The following ITPR2 variants were observed in gnomAD, a reference collection of about 807,000 sequenced individuals.
ITPR2 encodes inositol 1,4,5-trisphosphate-gated calcium channel ITPR2.
Under a neutral mutation model 317.1 loss-of-function variants are expected in ITPR2, and 207 were observed. The observed-to-expected ratio is 0.65, with a 90% CI of 0.58 to 0.73. The LOEUF (loss-of-function observed/expected upper bound fraction) is 0.73. Among genes scored for constraint, ITPR2 ranks in the 30% least tolerant of loss-of-function variants. The pLI is 0.00. For synonymous variants in ITPR2, 1,156 were observed against 1,149.1 expected (o/e 1.01, Z -0.12); for missense variants, 2,613 against 3,284.0 (o/e 0.80, Z 4.99).
At chr12:26,659,410 A>G in intron 15 of ITPR2, 125 bp from the exon 16 acceptor site, 1 of 773,900 alleles carries the variant, frequency 1.3e-6, no homozygotes, top group Non-Finnish European at 2.0e-6. Context: ...TTCTCAAAAG[A>G]AAAGCAAGTA....
chr12:26,490,208 G>A (rs973790251), intron 39 of ITPR2, among the ~76,000 whole-genome samples: 3 of 152,140 alleles, frequency 2.0e-5, no homozygotes, highest in Admixed American at 1.3e-4. Flanking sequence ...GAGAGGCAGG[G>A]TATAATACAA....
Position 26,636,820 on chromosome 12 carries a change from G to A in ITPR2, c.2741-4761C>T, listed in dbSNP as rs116813750. ...ATTGGATCCTCACAGCACGGTGGGG[G>A]TTGGGAGACGAATTCCAGTTTACAT... is the stretch of plus-strand genomic sequence containing the variant. On this transcript the variant is annotated intron_variant, in intron 21 of 56. Transcript: ENST00000381340. Among the ~76,000 whole-genome samples the A allele has an allele frequency of 2.9e-3, 438 of 152,262 alleles. 3 individuals are homozygous for A. The highest frequency in any genetic ancestry group is 0.01 in the African/African-American group (418 of 41,548).
chr12:26,562,833 G>T (rs1184508518), intron 34 of ITPR2, among the ~76,000 whole-genome samples: 2 of 151,902 alleles, frequency 1.3e-5, no homozygotes, highest in Admixed American at 1.3e-4. Context: ...AAGTTAATGG[G>T]TGCAGCACAC....
Position 26,657,900 on chromosome 12 carries a change from T to C in ITPR2, c.2007-8A>G, listed in dbSNP as rs762023357. 6.2e-7 allele frequency: 1 copy of C among 1,610,812 alleles called. No individual in the cohort carries two copies. Among genetic ancestry groups the C allele is most frequent in the Non-Finnish European group, 8.5e-7 (1 of 1,177,884 alleles). ...GCTTGCATTGAGACCACCCTTCAAA[T>C]AAATAGCACATACAAAAATCTACTA... On this transcript the variant is annotated splice_region_variant and splice_polypyrimidine_tract_variant and intron_variant, in intron 17 of 56. Coordinates refer to ENST00000381340, the MANE Select transcript of ITPR2 (RefSeq NM_002223.4).
intron 23 of ITPR2, among the ~76,000 whole-genome samples, chr12:26,625,199 A>G (rs1946594017): frequency 6.6e-6 from 1 of 152,128 alleles, no homozygotes; most frequent in African/African-American, 2.4e-5. Context: ...TGGGAAAGGT[A>G]GTGGGGTGGG....
chr12:26,699,296 A>G (rs541989889), intron 9 of ITPR2, among the ~76,000 whole-genome samples: 1 of 152,268 alleles, frequency 6.6e-6, no homozygotes, highest in East Asian at 1.9e-4. Flanking sequence ...TTCTACAATC[A>G]GTCTTTACGT....
At chr12:26,791,011 C>A (rs1036366220) in intron 1 of ITPR2, among the ~76,000 whole-genome samples, 2 of 152,224 alleles carry the variant, frequency 1.3e-5, no homozygotes, top group South Asian at 4.1e-4. Context: ...TTCACATATT[C>A]TCTGCTTCTA....
At chr12:26,550,438 A>C in intron 36 of ITPR2, 83 bp from the exon 37 acceptor site, 1 of 662,172 alleles carries the variant, frequency 1.5e-6, no homozygotes, top group East Asian at 2.9e-5. Context: ...TAGGGGAAAA[A>C]ATTTACACAA....
At chr12:26,465,537 C>T (rs182205375) in intron 45 of ITPR2, among the ~76,000 whole-genome samples, 1 of 152,056 alleles carries the variant, frequency 6.6e-6, no homozygotes, top group Non-Finnish European at 1.5e-5. Flanking sequence ...TTTGCATGCA[C>T]GAATGCTGAG....
intron 2 of ITPR2, among the ~76,000 whole-genome samples, chr12:26,736,958 C>G (rs1388552835): frequency 6.6e-6 from 1 of 152,196 alleles, no homozygotes; most frequent in Non-Finnish European, 1.5e-5. Context: ...TGTTGCCTAA[C>G]AGAGAGAAAA....
At chr12:26,424,069 C>T (rs921954418) in intron 49 of ITPR2, among the ~76,000 whole-genome samples, 1 of 152,144 alleles carries the variant, frequency 6.6e-6, no homozygotes, top group African/African-American at 2.4e-5. Flanking sequence ...AAACAACTCC[C>T]CAAGAACCAA....
chr12:26,383,490 GTTTGTTTT>G (rs1192809685), intron 55 of ITPR2, among the ~76,000 whole-genome samples: 95 of 148,028 alleles, frequency 6.4e-4, no homozygotes, highest in African/African-American at 2.2e-3. Flanking sequence ...TTGTTTGTTT[GTTTGTTTT>G]TTTGAGATGG....
At chr12:26,606,286 C>T (rs1182546259) in intron 26 of ITPR2, among the ~76,000 whole-genome samples, 3 of 152,120 alleles carry the variant, frequency 2.0e-5, no homozygotes, top group Non-Finnish European at 4.4e-5. Flanking sequence ...AAATACGATG[C>T]TCCAAACGTC....
chr12:26,722,509 A>G lies in ITPR2; in HGVS notation c.413T>C (p.Leu138Ser). ...SNKYLTVNKR[L>S]PALLEKNAMR... Reference sequence around the variant, plus strand: ...GGCATTCTTCTCCAGTAAAGCAGGTAATCTCTTGTTGACAGTAAGATATTT... The same window carrying G: ...GGCATTCTTCTCCAGTAAAGCAGGTGATCTCTTGTTGACAGTAAGATATTT... The change falls in exon 5 of 57, where the codon TTA becomes TCA. Residue 138 changes from leucine (L) to serine (S), a missense_variant. By Grantham distance (145) the Leu-to-Ser change is moderately radical. Transcript: ENST00000381340. 1.2e-6 allele frequency: 2 copies of G among 1,613,216 alleles called. No homozygotes were observed.
intron 2 of ITPR2, among the ~76,000 whole-genome samples, chr12:26,768,482 CA>C (rs55646801): frequency 0.013 from 1,170 of 92,878 alleles, 16 homozygotes; most frequent in African/African-American, 0.029. Context: ...TTGTGCAACT[CA>C]AAAAAAAAAA....
intron 37 of ITPR2, among the ~76,000 whole-genome samples, chr12:26,517,199 A>G (rs1943546521): frequency 6.6e-6 from 1 of 152,186 alleles, no homozygotes; most frequent in Non-Finnish European, 1.5e-5. Context: ...GGGAGATGCT[A>G]TGGGATGCAA....
chr12:26,790,663 A>C (rs1950327162), intron 1 of ITPR2, among the ~76,000 whole-genome samples: 1 of 152,032 alleles, frequency 6.6e-6, no homozygotes, highest in Admixed American at 6.5e-5. Flanking sequence ...CAAAACATTA[A>C]GAGTGGTCAG....
At chr12:26,538,325 C>A (rs190185663) in intron 37 of ITPR2, among the ~76,000 whole-genome samples, 4 of 151,730 alleles carry the variant, frequency 2.6e-5, no homozygotes, top group Admixed American at 1.3e-4. Context: ...AAGAATATAT[C>A]CCCCACAAAC....
chr12:26,819,699 G>T (rs1284340354), intron 1 of ITPR2, among the ~76,000 whole-genome samples: 1 of 151,722 alleles, frequency 6.6e-6, no homozygotes, highest in Non-Finnish European at 1.5e-5. Context: ...CTTTGAACAC[G>T]TAAAAACAAA....
Sources: gnomAD v4.1 joint callset for allele counts (sites outside exome capture counted in the v4.1 genomes callset) on GRCh38, gnomAD v4.1.1 for gene constraint, MANE v1.5 for transcripts, NCBI Gene and HGNC (gene_info 2026-07-23, HGNC 2026-07-21) for gene names.